RORA: variants seen among roughly 807,000 people sequenced by gnomAD.
RORA encodes RAR related orphan receptor A, also known as nuclear receptor ROR-alpha.
In RORA, 7 loss-of-function variants were observed where a neutral mutation model predicts 69.5. The ratio of observed to expected loss-of-function variants is 0.10; its 90% confidence interval spans 0.06 to 0.19. The LOEUF (loss-of-function observed/expected upper bound fraction) is 0.19, where lower values mean the gene tolerates loss of function less well. Among genes scored for constraint, RORA ranks in the 10% least tolerant of loss-of-function variants. The probability of loss-of-function intolerance (pLI) is 1.00; values close to 1 mark genes in which losing one functional copy is unlikely to be tolerated. For missense variants in RORA, 457 were observed against 663.0 expected, an observed-to-expected ratio of 0.69 and a Z score of 3.41; for synonymous variants, 261 against 240.8, an observed-to-expected ratio of 1.08 and a Z score of -0.78.
intron 1 of RORA, among the ~76,000 whole-genome samples, chr15:60,787,865 C>T (rs939101376): frequency 1.5e-4 from 23 of 152,208 alleles, no homozygotes; most frequent in African/African-American, 5.5e-4. Context: ...AAAAACCATT[C>T]ATTCATGTAT....
At chr15:60,924,656 G>A (rs1323005598) in intron 1 of RORA, among the ~76,000 whole-genome samples, 8 of 152,138 alleles carry the variant, frequency 5.3e-5, no homozygotes, top group South Asian at 2.1e-4. Context: ...AAATTAAGTC[G>A]TGAAGCACTA....
chr15:60,572,398 T>C (rs969639320), intron 2 of RORA, among the ~76,000 whole-genome samples: 9 of 152,130 alleles, frequency 5.9e-5, no homozygotes, highest in African/African-American at 1.9e-4. Flanking sequence ...ACTTGAATGC[T>C]CTGGGCATAG....
intron 1 of RORA, among the ~76,000 whole-genome samples, chr15:60,811,463 G>A (rs2072742020): frequency 6.6e-6 from 1 of 152,146 alleles, no homozygotes; most frequent in Non-Finnish European, 1.5e-5. Flanking sequence ...TTTTTGGTCT[G>A]TGGGTTATTC....
intron 1 of RORA, among the ~76,000 whole-genome samples, chr15:61,014,903 C>T (rs1320458194): frequency 6.6e-6 from 1 of 152,116 alleles, no homozygotes; most frequent in Non-Finnish European, 1.5e-5. Context: ...TCTGCCTTAC[C>T]AAGGTTTGTT....
intron 1 of RORA, among the ~76,000 whole-genome samples, chr15:60,885,518 A>C (rs1252668916): frequency 6.6e-6 from 1 of 152,230 alleles, no homozygotes; most frequent in Non-Finnish European, 1.5e-5. Flanking sequence ...AGATATAACA[A>C]AATGGTTGCG....
At chr15:61,046,843 G>GCGAA (rs1325313501) in intron 1 of RORA, among the ~76,000 whole-genome samples, 2 of 152,150 alleles carry the variant, frequency 1.3e-5, no homozygotes, top group Non-Finnish European at 2.9e-5. Context: ...TTTTGACTTC[G>GCGAA]AGGCTGCTCT....
chr15:60,881,747 G>T (rs1207626441), intron 1 of RORA, among the ~76,000 whole-genome samples: 1 of 152,110 alleles, frequency 6.6e-6, no homozygotes, highest in Admixed American at 6.5e-5. Flanking sequence ...ACTCAAGAAG[G>T]AAATAACACC....
chr15:61,140,598 G>C (rs1440148748), intron 1 of RORA, among the ~76,000 whole-genome samples: 1 of 151,346 alleles, frequency 6.6e-6, no homozygotes, highest in East Asian at 2.0e-4. Flanking sequence ...TGATCCCTAT[G>C]GGAGCCACTG....
At chr15:60,911,147 C>G (rs1037807438) in intron 1 of RORA, among the ~76,000 whole-genome samples, 5 of 133,682 alleles carry the variant, frequency 3.7e-5, no homozygotes, top group Non-Finnish European at 6.1e-5. Flanking sequence ...GTTGGCCAGG[C>G]TGGTCTCGAA....
intron 2 of RORA, among the ~76,000 whole-genome samples, chr15:60,636,007 T>C (rs1158846093): frequency 3.3e-5 from 5 of 152,214 alleles, no homozygotes; most frequent in African/African-American, 1.2e-4. Flanking sequence ...TTATGGAGTC[T>C]GTAAGACTTG....
chr15:61,141,520 C>T (rs2079298179), intron 1 of RORA, among the ~76,000 whole-genome samples: 2 of 152,184 alleles, frequency 1.3e-5, no homozygotes, highest in Admixed American at 6.5e-5. Context: ...AAAAAGAAAC[C>T]AGAATAATGC....
chr15:60,584,833 G>A (rs943272182), intron 2 of RORA, among the ~76,000 whole-genome samples: 1 of 152,134 alleles, frequency 6.6e-6, no homozygotes, highest in Non-Finnish European at 1.5e-5. Context: ...TCTGGGTGGC[G>A]CAGTTTGTAA....
At chr15:60,787,667 G>A (rs2072356817) in intron 1 of RORA, among the ~76,000 whole-genome samples, 1 of 152,210 alleles carries the variant, frequency 6.6e-6, no homozygotes, top group African/African-American at 2.4e-5. Flanking sequence ...CTGCTTTCAA[G>A]GAGATCTTTC....
At chr15:60,799,382 C>T (rs2072546118) in intron 1 of RORA, among the ~76,000 whole-genome samples, 1 of 152,036 alleles carries the variant, frequency 6.6e-6, no homozygotes, top group South Asian at 2.1e-4. Context: ...ACTTTGTAAG[C>T]AGTTTCCTTT....
intron 1 of RORA, among the ~76,000 whole-genome samples, chr15:61,144,094 TG>T (rs775952342): frequency 8.9e-4 from 136 of 152,232 alleles, no homozygotes; most frequent in Non-Finnish European, 1.6e-3. Context: ...TGTGTAAAAA[TG>T]GGTAGGGTTA....
intron 1 of RORA, among the ~76,000 whole-genome samples, chr15:61,198,556 G>C (rs948681841): frequency 6.6e-6 from 1 of 151,850 alleles, no homozygotes; most frequent in African/African-American, 2.4e-5. Context: ...GACGACTGTA[G>C]GAAAATTCAT....
At chr15:61,205,165 C>T (rs540062540) in intron 1 of RORA, among the ~76,000 whole-genome samples, 104 of 152,252 alleles carry the variant, frequency 6.8e-4, no homozygotes, top group Admixed American at 3.1e-3. Context: ...TATGGCTTTT[C>T]TTGTGTGGAC....
At chr15:60,824,443 T>G (rs1365465887) in intron 1 of RORA, among the ~76,000 whole-genome samples, 2 of 138,706 alleles carry the variant, frequency 1.4e-5, no homozygotes, top group South Asian at 4.4e-4. Context: ...ACATCTTCCC[T>G]TATTAAAAAA....
chr15:60,803,717 A>G (rs1484480734), intron 1 of RORA, among the ~76,000 whole-genome samples: 1 of 152,170 alleles, frequency 6.6e-6, no homozygotes, highest in African/African-American at 2.4e-5. Context: ...ACTCTCTCTC[A>G]GGAGGAAGTA....
Sources: allele counts gnomAD v4.1 joint callset (sites outside exome capture counted in the v4.1 genomes callset), GRCh38; gene constraint gnomAD v4.1.1; transcripts MANE v1.5; gene names NCBI Gene and HGNC (gene_info 2026-07-23, HGNC 2026-07-21).